NUP93: variants seen among roughly 807,000 people sequenced by gnomAD.
NUP93 encodes nucleoporin 93.
In NUP93, 55 loss-of-function variants were observed where a neutral mutation model predicts 107.8. That is an observed-to-expected ratio of 0.51 (90% CI 0.41 to 0.64). NUP93 has a LOEUF of 0.64. NUP93 is among the 30% of genes least tolerant of loss of function. The pLI is 0.00. For missense variants in NUP93, 937 were observed against 1,044.7 expected, an observed-to-expected ratio of 0.90 and a Z score of 1.42; for synonymous variants, 390 against 397.5, an observed-to-expected ratio of 0.98 and a Z score of 0.22.
At chr16:56,737,302 A>C (rs1235604792) in intron 1 of NUP93, among the ~76,000 whole-genome samples, 6 of 151,952 alleles carry the variant, frequency 3.9e-5, no homozygotes, top group Non-Finnish European at 7.4e-5. Flanking sequence ...GTGTGGGGAG[A>C]GGTAGGTGGA....
intron 2 of NUP93, among the ~76,000 whole-genome samples, chr16:56,757,334 G>T (rs1455475031): frequency 6.6e-6 from 1 of 152,196 alleles, no homozygotes; most frequent in South Asian, 2.1e-4. Context: ...AAATTAATGG[G>T]CTGGATGTGG....
At chr16:56,837,779 G>C (rs1963943990) in intron 18 of NUP93, 53 bp downstream of exon 18, 1 of 1,360,646 alleles carries the variant, frequency 7.3e-7, no homozygotes, top group Non-Finnish European at 1.0e-6. Flanking sequence ...GCCAGTGCCA[G>C]GCCACCTATG....
intron 6 of NUP93, among the ~76,000 whole-genome samples, chr16:56,820,943 G>A (rs183944221): frequency 1.6e-4 from 24 of 152,250 alleles, no homozygotes; most frequent in Admixed American, 1.3e-3. Context: ...AAAATCTAAA[G>A]TAAGAGTGGC....
At chr16:56,738,835 AAG>A (rs1567371388) in intron 1 of NUP93, among the ~76,000 whole-genome samples, 1 of 152,156 alleles carries the variant, frequency 6.6e-6, no homozygotes. Flanking sequence ...TGAGAAAAGA[AAG>A]AATCATTCAC....
chr16:56,838,878 C>G (rs1963963888), intron 18 of NUP93, 74 bp from the exon 19 acceptor site: 1 of 1,001,500 alleles, frequency 1.0e-6, no homozygotes. Context: ...TTTTTAAATG[C>G]TATTCCACTG....
chr16:56,760,803 C>A (rs762581723), intron 3 of NUP93, among the ~76,000 whole-genome samples: 3 of 152,018 alleles, frequency 2.0e-5, no homozygotes, highest in African/African-American at 7.2e-5. Flanking sequence ...AAAAAATGAT[C>A]GGGGCATGGT....
In NUP93 at chr16:56,847,661, T is replaced by C. The variant is rs1210574060; in HGVS notation, c.*3052T>C. 1 of 152,184 alleles carries C rather than the reference T, an allele frequency of 6.6e-6. No homozygotes were observed. The highest frequency in any genetic ancestry group is 1.9e-4 in the East Asian group (1 of 5,192). The allele number at this position is 152,184 out of a possible 1,614,324, so 9.4% of individuals were successfully genotyped here. ...AACAACAACAGCAACAAAAAACTCT[T>C]TGACTCCCCAACTTCAGAGGGAAAA... is the stretch of plus-strand genomic sequence containing the variant. On this transcript the variant is annotated 3_prime_UTR_variant, in exon 22 of 22. Transcript: ENST00000308159.
intron 5 of NUP93, among the ~76,000 whole-genome samples, chr16:56,810,734 G>A (rs577274051): frequency 1.4e-4 from 13 of 92,178 alleles, no homozygotes; most frequent in Admixed American, 3.0e-4. Context: ...CATTACCAGC[G>A]CCCCAGAAAT....
At chr16:56,820,799 G>C (rs982386163) in intron 6 of NUP93, among the ~76,000 whole-genome samples, 1 of 152,094 alleles carries the variant, frequency 6.6e-6, no homozygotes, top group Non-Finnish European at 1.5e-5. Flanking sequence ...AACTAGTTAA[G>C]ATTTAGAACT....
intron 1 of NUP93, among the ~76,000 whole-genome samples, chr16:56,733,070 A>G (rs1315889744): frequency 1.3e-5 from 2 of 152,106 alleles, no homozygotes; most frequent in Non-Finnish European, 2.9e-5. Flanking sequence ...AGGGTTGGGG[A>G]TGTGTTATAG....
chr16:56,733,617 G>A (rs1961567747), intron 1 of NUP93, among the ~76,000 whole-genome samples: 1 of 152,138 alleles, frequency 6.6e-6, no homozygotes, highest in Admixed American at 6.5e-5. Flanking sequence ...GACATGTGTA[G>A]TTTGAGGCAC....
At chr16:56,815,075 T>C (rs1963393147) in intron 5 of NUP93, among the ~76,000 whole-genome samples, 1 of 152,202 alleles carries the variant, frequency 6.6e-6, no homozygotes, top group Non-Finnish European at 1.5e-5. Flanking sequence ...TTAATTTAAA[T>C]GGAAATTTGA....
intron 3 of NUP93, among the ~76,000 whole-genome samples, chr16:56,798,013 C>T (rs925208789): frequency 6.6e-6 from 1 of 152,100 alleles, no homozygotes; most frequent in Non-Finnish European, 1.5e-5. Context: ...TTAGAATTTC[C>T]CAGATATTGG....
intron 4 of NUP93, among the ~76,000 whole-genome samples, chr16:56,805,113 A>G (rs1963107071): frequency 6.6e-6 from 1 of 151,994 alleles, no homozygotes; most frequent in African/African-American, 2.4e-5. Flanking sequence ...GAGGGAATGC[A>G]ATGTTGCGAT....
At position 56,818,745 on chromosome 16, in the gene NUP93, G is replaced by A. The variant is rs2144604533; in HGVS notation, c.564+7G>A. ...GATGGCCTATGCGCGGCAAGTGAGT[G>A]TGATTTTAAGGGGGATTAAGCCAGG... On this transcript the variant is annotated splice_region_variant and intron_variant, in intron 6 of 21. Coordinates refer to ENST00000308159, the MANE Select transcript of NUP93 (RefSeq NM_014669.5). 2 of 1,612,832 alleles carry A rather than the reference G, an allele frequency of 1.2e-6. No individual in the cohort carries two copies. The highest frequency in any genetic ancestry group is 1.7e-6 in the Non-Finnish European group (2 of 1,178,940).
chr16:56,766,748 G>C (rs1962222743), intron 3 of NUP93, among the ~76,000 whole-genome samples: 1 of 152,170 alleles, frequency 6.6e-6, no homozygotes, highest in Non-Finnish European at 1.5e-5. Context: ...AGGCTTCTCA[G>C]TTACAAAACT....
intron 3 of NUP93, among the ~76,000 whole-genome samples, chr16:56,788,209 C>T (rs974305055): frequency 1.3e-5 from 2 of 152,188 alleles, no homozygotes; most frequent in Non-Finnish European, 2.9e-5. Flanking sequence ...TTCCCCTACC[C>T]TCCCAGGAGA....
intron 20 of NUP93, 92 bp from the exon 21 acceptor site, chr16:56,841,613 A>C: frequency 5.3e-6 from 8 of 1,503,128 alleles, no homozygotes; most frequent in Non-Finnish European, 7.2e-6. Context: ...TGGTGCAACC[A>C]GGCCTGCCTG....
intron 3 of NUP93, among the ~76,000 whole-genome samples, chr16:56,794,127 T>C (rs1352119021): frequency 1.3e-5 from 2 of 152,180 alleles, no homozygotes; most frequent in Non-Finnish European, 2.9e-5. Context: ...GATAGATAGA[T>C]AGATGTGTTA....
Sources: gnomAD v4.1 joint callset for allele counts (sites outside exome capture counted in the v4.1 genomes callset) on GRCh38, gnomAD v4.1.1 for gene constraint, MANE v1.5 for transcripts, NCBI Gene and HGNC (gene_info 2026-07-23, HGNC 2026-07-21) for gene names.